The following EPS15 variants were observed in gnomAD, a reference collection of about 807,000 sequenced individuals.
EPS15 encodes the protein epidermal growth factor receptor pathway substrate 15.
Under a neutral mutation model 113.8 loss-of-function variants are expected in EPS15, and 72 were observed. That is an observed-to-expected ratio of 0.63 (90% CI 0.52 to 0.77). The LOEUF is 0.77. Ranked by LOEUF, EPS15 falls within the 30% of genes least tolerant of loss-of-function variation. The pLI, the probability that EPS15 is intolerant of heterozygous loss-of-function variation, is 0.00. For synonymous variants in EPS15, 344 were observed against 363.4 expected, an observed-to-expected ratio of 0.95 and a Z score of 0.61; for missense variants, 1,048 against 1,045.8, an observed-to-expected ratio of 1.00 and a Z score of -0.03.
At chr1:51,425,779 T>C (rs1318031521) in intron 12 of EPS15, among the ~76,000 whole-genome samples, 1 of 152,210 alleles carries the variant, frequency 6.6e-6, no homozygotes, top group African/African-American at 2.4e-5. Flanking sequence ...AATATCTCTA[T>C]CATCTTAGGA....
At chr1:51,494,489 A>C (rs764065442) in intron 1 of EPS15, among the ~76,000 whole-genome samples, 2 of 152,234 alleles carry the variant, frequency 1.3e-5, no homozygotes, top group East Asian at 3.8e-4. Context: ...AATATAGCAA[A>C]ATCCCAAACC....
intron 2 of EPS15, among the ~76,000 whole-genome samples, chr1:51,480,539 A>C (rs2148522030): frequency 1.3e-5 from 2 of 152,156 alleles, no homozygotes; most frequent in South Asian, 4.2e-4. Context: ...TTTGAGATGG[A>C]GTTTCACTCT....
intron 1 of EPS15, among the ~76,000 whole-genome samples, chr1:51,493,908 C>T (rs1434644219): frequency 6.6e-6 from 1 of 152,072 alleles, no homozygotes; most frequent in African/African-American, 2.4e-5. Context: ...AGCCACGGTG[C>T]CCAGCTGAGG....
At chr1:51,389,367 G>T (rs1486715280) in intron 21 of EPS15, among the ~76,000 whole-genome samples, 2 of 152,206 alleles carry the variant, frequency 1.3e-5, no homozygotes, top group Non-Finnish European at 2.9e-5. Flanking sequence ...ATATCATACT[G>T]AATGGGCAAA....
intron 13 of EPS15, 62 bp from the exon 14 acceptor site, chr1:51,409,758 A>G (rs1649525298): frequency 8.8e-7 from 1 of 1,135,194 alleles, no homozygotes; most frequent in Non-Finnish European, 1.3e-6. Flanking sequence ...TTAAGTTAGT[A>G]ATTTTAAATC....
At chr1:51,499,259 T>C (rs945134706) in intron 1 of EPS15, among the ~76,000 whole-genome samples, 1 of 152,246 alleles carries the variant, frequency 6.6e-6, no homozygotes, top group Non-Finnish European at 1.5e-5. Context: ...TGTCCCTTTG[T>C]GTTTGGCTTA....
intron 1 of EPS15, among the ~76,000 whole-genome samples, chr1:51,488,759 G>A (rs990334965): frequency 2.6e-5 from 4 of 152,064 alleles, no homozygotes; most frequent in African/African-American, 7.2e-5. Flanking sequence ...TTTAGTAATA[G>A]TACCCCTAAG....
chr1:51,470,206 C>A (rs543586673), intron 4 of EPS15, among the ~76,000 whole-genome samples: 9 of 152,254 alleles, frequency 5.9e-5, no homozygotes, highest in Admixed American at 5.2e-4. Flanking sequence ...AAAACCCTTC[C>A]ATAATAGGGG....
At chr1:51,364,926 C>T (rs749567504) in intron 22 of EPS15, among the ~76,000 whole-genome samples, 2 of 152,048 alleles carry the variant, frequency 1.3e-5, no homozygotes, top group Non-Finnish European at 2.9e-5. Flanking sequence ...GCCTCTTGGG[C>T]TCATGTGATC....
chr1:51,375,363 A>G (rs1017034089), intron 21 of EPS15, among the ~76,000 whole-genome samples: 2 of 152,214 alleles, frequency 1.3e-5, no homozygotes, highest in Non-Finnish European at 2.9e-5. Context: ...GTAGAGTTAT[A>G]TATAACATTT....
chr1:51,419,851 A>G (rs945952596), intron 13 of EPS15, among the ~76,000 whole-genome samples: 7 of 152,136 alleles, frequency 4.6e-5, no homozygotes, highest in African/African-American at 1.7e-4. Flanking sequence ...GTTTTGCTTC[A>G]GAAAATTGAA....
In EPS15 at chr1:51,409,638, T is replaced by C. The variant is rs545220854; in HGVS notation, c.1172A>G (p.Lys391Arg). ...NTNLQKLQAQKQQVQELLDEL... is the reference protein window; with the variant it reads ...NTNLQKLQAQRQQVQELLDEL... Reference sequence around the variant, plus strand: ...ATCAAGGAGTTCCTGTACCTGCTGTTTCTGGGCCTGTAGTTTTTGCAGATT... The same window carrying C: ...ATCAAGGAGTTCCTGTACCTGCTGTCTCTGGGCCTGTAGTTTTTGCAGATT... Residue 391 changes from lysine (K) to arginine (R), a missense_variant, in exon 14 of 25, where the codon AAA (lysine) becomes AGA (arginine). Transcript: ENST00000371733. 1.2e-6 allele frequency: 2 copies of C among 1,613,764 alleles called. No homozygotes were observed. Among genetic ancestry groups the C allele is most frequent in the African/African-American group, 1.3e-5 (1 of 75,000 alleles).
intron 1 of EPS15, among the ~76,000 whole-genome samples, chr1:51,499,599 T>A (rs1557528104): frequency 6.6e-6 from 1 of 152,082 alleles, no homozygotes; most frequent in Non-Finnish European, 1.5e-5. Context: ...GGTTCCAGTA[T>A]CTCCAAATTC....
At chr1:51,515,488 A>C (rs1389301925) in intron 1 of EPS15, among the ~76,000 whole-genome samples, 1 of 152,108 alleles carries the variant, frequency 6.6e-6, no homozygotes, top group Non-Finnish European at 1.5e-5. Context: ...AAACAAAAAA[A>C]AAAAAAAATT....
chr1:51,386,944 A>G lies in EPS15; in HGVS notation c.2119+7437T>C, dbSNP rs1277219055. Among the ~76,000 whole-genome samples, 11 of 152,190 alleles carry G rather than the reference A, an allele frequency of 7.2e-5. No individual in the cohort carries two copies. In the East Asian group the frequency reaches 1.2e-3, roughly 16 times the overall value. On this transcript the variant is annotated intron_variant, in intron 21 of 24. Transcript: ENST00000371733. ...CCCCAATCTAGCAAGGCAGGCCAAC[A>G]TTCAGATTCAGGAAATACAGAGAAC... is the stretch of plus-strand genomic sequence containing the variant.
At chr1:51,465,529 G>T (rs1207237123) in intron 5 of EPS15, among the ~76,000 whole-genome samples, 2 of 151,940 alleles carry the variant, frequency 1.3e-5, no homozygotes, top group Non-Finnish European at 2.9e-5. Flanking sequence ...TACCTTTTCT[G>T]GTTTTTGTTT....
At chr1:51,377,895 C>CTT (rs1209383457) in intron 21 of EPS15, among the ~76,000 whole-genome samples, 14 of 136,550 alleles carry the variant, frequency 1.0e-4, no homozygotes, top group South Asian at 2.4e-4. Flanking sequence ...TAATCATTAG[C>CTT]TTTTTTTTTT....
chr1:51,483,623 T>C (rs1570402905), intron 1 of EPS15, among the ~76,000 whole-genome samples: 1 of 151,812 alleles, frequency 6.6e-6, no homozygotes, highest in African/African-American at 2.4e-5. Context: ...TTGGCCAACA[T>C]GGTGAAAGCC....
chr1:51,515,589 C>T (rs1212028426), intron 1 of EPS15, among the ~76,000 whole-genome samples: 1 of 152,080 alleles, frequency 6.6e-6, no homozygotes, highest in Non-Finnish European at 1.5e-5. Context: ...AAAATAAAAC[C>T]TTTATCATCA....
Sources: gnomAD v4.1 joint callset for allele counts (sites outside exome capture counted in the v4.1 genomes callset) on GRCh38, gnomAD v4.1.1 for gene constraint, MANE v1.5 for transcripts, NCBI Gene and HGNC (gene_info 2026-07-23, HGNC 2026-07-21) for gene names.